UMAD1: variants seen among roughly 807,000 people sequenced by gnomAD.
UMAD1 encodes UBAP1-MVB12-associated (UMA)-domain containing protein 1.
Under a neutral mutation model 6.1 loss-of-function variants are expected in UMAD1, and 8 were observed. That is an observed-to-expected ratio of 1.30 (90% CI 0.76 to 2.35). The LOEUF (loss-of-function observed/expected upper bound fraction) is 2.35. Ranked by LOEUF, UMAD1 falls within the 30% of genes most tolerant of loss-of-function variation. The pLI is 0.00. For missense variants in UMAD1, 130 were observed against 78.4 expected, an observed-to-expected ratio of 1.66 and a Z score of -2.49; for synonymous variants, 56 against 31.4, an observed-to-expected ratio of 1.78 and a Z score of -2.61.
chr7:7,756,936 G>A (rs1004691998), intron 2 of UMAD1, among the ~76,000 whole-genome samples: 1 of 152,166 alleles, frequency 6.6e-6, no homozygotes, highest in African/African-American at 2.4e-5. Context: ...TACAGTGTGT[G>A]GTACCTGCTT....
intron 2 of UMAD1, among the ~76,000 whole-genome samples, chr7:7,694,087 C>T (rs1011400056): frequency 5.3e-5 from 8 of 152,040 alleles, no homozygotes; most frequent in African/African-American, 1.9e-4. Flanking sequence ...TTCTCCATAC[C>T]TATAGAGGGG....
chr7:7,833,579 T>G (rs1363380621), intron 3 of UMAD1, among the ~76,000 whole-genome samples: 1 of 152,090 alleles, frequency 6.6e-6, no homozygotes, highest in Non-Finnish European at 1.5e-5. Context: ...TTAAAATAGG[T>G]TGTCAGGAAG....
At chr7:7,660,332 G>C (rs1486873092) in intron 1 of UMAD1, among the ~76,000 whole-genome samples, 1 of 152,198 alleles carries the variant, frequency 6.6e-6, no homozygotes, top group Non-Finnish European at 1.5e-5. Context: ...GTGTGAATTT[G>C]ATCCTGCCAT....
intron 1 of UMAD1, among the ~76,000 whole-genome samples, chr7:7,650,002 G>A (rs1229822561): frequency 6.6e-6 from 1 of 152,230 alleles, no homozygotes; most frequent in Non-Finnish European, 1.5e-5. Flanking sequence ...ACTGTGAGAA[G>A]TAAATTTCTG....
intron 1 of UMAD1, among the ~76,000 whole-genome samples, chr7:7,658,564 A>G (rs185184204): frequency 1.3e-5 from 2 of 152,294 alleles, no homozygotes; most frequent in Admixed American, 1.3e-4. Flanking sequence ...ATCTATTGAG[A>G]TAGTCATGTG....
At chr7:7,771,495 T>G (rs1469312146) in intron 2 of UMAD1, among the ~76,000 whole-genome samples, 2 of 152,200 alleles carry the variant, frequency 1.3e-5, no homozygotes, top group Non-Finnish European at 1.5e-5. Flanking sequence ...TGTGAGAGAA[T>G]AATCATTGGC....
At chr7:7,732,382 A>T (rs1444872099) in intron 2 of UMAD1, among the ~76,000 whole-genome samples, 2 of 152,184 alleles carry the variant, frequency 1.3e-5, no homozygotes, top group Non-Finnish European at 2.9e-5. Flanking sequence ...TTAGTCTTCT[A>T]ACCTGGGATA....
intron 3 of UMAD1, among the ~76,000 whole-genome samples, chr7:7,823,348 A>G (rs1783278441): frequency 6.6e-6 from 1 of 152,198 alleles, no homozygotes; most frequent in African/African-American, 2.4e-5. Context: ...GATAAACAAT[A>G]AATAATTTTT....
At chr7:7,662,203 T>C (rs7795116) in intron 1 of UMAD1, among the ~76,000 whole-genome samples, 43,767 of 152,076 alleles carry the variant, frequency 0.29, 6,921 homozygotes, top group African/African-American at 0.42. Context: ...GTTGCTGTGC[T>C]GGCAGCGATA....
intron 2 of UMAD1, chr7:7,742,094 T>C (rs1399016276): frequency 1.7e-6 from 1 of 582,346 alleles, no homozygotes; most frequent in Admixed American, 1.9e-5. Context: ...CTTGTTGATA[T>C]GATGAAAGTT....
intron 3 of UMAD1, among the ~76,000 whole-genome samples, chr7:7,866,751 T>C (rs920705351): frequency 3.3e-5 from 5 of 152,168 alleles, no homozygotes; most frequent in Non-Finnish European, 7.4e-5. Flanking sequence ...CATGCTTGTG[T>C]GTCGTGATAA....
At chr7:7,786,426 G>C (rs1563205030) in intron 2 of UMAD1, among the ~76,000 whole-genome samples, 1 of 152,198 alleles carries the variant, frequency 6.6e-6, no homozygotes, top group African/African-American at 2.4e-5. Flanking sequence ...AGTCTATCAG[G>C]TGGTGCACAG....
chr7:7,675,869 G>A (rs907777491), intron 2 of UMAD1, among the ~76,000 whole-genome samples: 4 of 152,144 alleles, frequency 2.6e-5, no homozygotes, highest in Non-Finnish European at 4.4e-5. Context: ...CTGAGGCCTC[G>A]TTGCCCTTCA....
intron 2 of UMAD1, among the ~76,000 whole-genome samples, chr7:7,696,143 C>G (rs756969032): frequency 2.0e-5 from 3 of 151,726 alleles, no homozygotes; most frequent in Non-Finnish European, 4.4e-5. Flanking sequence ...GTAGCTGGGA[C>G]TACAGGCATG....
At chr7:7,714,964 C>T (rs762826299) in intron 2 of UMAD1, among the ~76,000 whole-genome samples, 1 of 146,676 alleles carries the variant, frequency 6.8e-6, no homozygotes, top group East Asian at 2.0e-4. Context: ...ACAACAACAA[C>T]AAAAAACTAC....
intron 3 of UMAD1, among the ~76,000 whole-genome samples, chr7:7,857,126 C>T (rs942577702): frequency 7.9e-5 from 12 of 152,274 alleles, no homozygotes; most frequent in African/African-American, 2.9e-4. Context: ...AATATACACA[C>T]GGGTCTTTTA....
At chr7:7,705,608 T>A (rs1315002991) in intron 2 of UMAD1, among the ~76,000 whole-genome samples, 1 of 152,226 alleles carries the variant, frequency 6.6e-6, no homozygotes, top group African/African-American at 2.4e-5. Context: ...ATAGGGATAA[T>A]GAATTAGAGT....
chr7:7,877,180 G>A, intron 3 of UMAD1, 101 bp from the exon 4 acceptor site: 1 of 628,508 alleles, frequency 1.6e-6, no homozygotes, highest in Non-Finnish European at 2.9e-6. Context: ...TATTTATATA[G>A]CCCACATTGC....
chr7:7,804,780 G>A (rs533942524), intron 3 of UMAD1, among the ~76,000 whole-genome samples: 58 of 152,270 alleles, frequency 3.8e-4, no homozygotes, highest in African/African-American at 1.3e-3. Flanking sequence ...AGGAGATCAA[G>A]ACCATTCTGG....
Sources: gnomAD v4.1 joint callset for allele counts (sites outside exome capture counted in the v4.1 genomes callset) on GRCh38, gnomAD v4.1.1 for gene constraint, MANE v1.5 for transcripts, NCBI Gene and HGNC (gene_info 2026-07-23, HGNC 2026-07-21) for gene names.